EIF4EBP1: variants seen among roughly 807,000 people sequenced by gnomAD.
EIF4EBP1 encodes eukaryotic translation initiation factor 4E binding protein 1.
A neutral mutation model predicts 9.2 loss-of-function variants in EIF4EBP1; 5 were observed. The ratio of observed to expected loss-of-function variants is 0.54; its 90% confidence interval spans 0.28 to 1.14. The LOEUF (loss-of-function observed/expected upper bound fraction) is 1.14, where lower values mean the gene tolerates loss of function less well. Ranked by LOEUF, EIF4EBP1 falls within the 50% of genes most tolerant of loss-of-function variation. EIF4EBP1 has a pLI of 0.09. For synonymous variants in EIF4EBP1, 62 were observed against 67.0 expected (o/e 0.93, Z 0.36); for missense variants, 139 against 169.6 (o/e 0.82, Z 1.00).
chr8:38,038,172 T>C (rs1308222881), intron 1 of EIF4EBP1, among the ~76,000 whole-genome samples: 1 of 152,014 alleles, frequency 6.6e-6, no homozygotes, highest in African/African-American at 2.4e-5. Context: ...GGTATGAAAG[T>C]GATATGTGTT....
At chr8:38,054,534 A>T (rs865926607) in intron 1 of EIF4EBP1, among the ~76,000 whole-genome samples, 2 of 152,100 alleles carry the variant, frequency 1.3e-5, no homozygotes, top group South Asian at 4.1e-4. Flanking sequence ...GAAACAACAG[A>T]AAAAAAGTGG....
At chr8:38,053,726 G>A (rs1172089215) in intron 1 of EIF4EBP1, among the ~76,000 whole-genome samples, 1 of 152,190 alleles carries the variant, frequency 6.6e-6, no homozygotes, top group Non-Finnish European at 1.5e-5. Context: ...GCCTTCAGCA[G>A]GAAGGAAATC....
rs181011834 is a variant in EIF4EBP1, at chr8:38,036,370, G to A, written c.145+5652G>A. ...ATAAAAATACAAAAAAAAATTAGCC[G>A]GGCCTGGTGGCAGGCGCCTGTAATC... On this transcript the variant is annotated intron_variant, in intron 1 of 2. Transcript: ENST00000338825. Among the ~76,000 whole-genome samples the A allele has an allele frequency of 1.0e-3, 158 of 152,020 alleles. 1 individual carries two copies. The highest frequency in any genetic ancestry group is 3.4e-3 in the African/African-American group (141 of 41,486).
chr8:38,033,107 C>G lies in EIF4EBP1; in HGVS notation c.145+2389C>G, dbSNP rs111728582. Among the ~76,000 whole-genome samples the G allele has an allele frequency of 3.8e-3, 570 of 149,048 alleles. 5 individuals carry two copies. The highest frequency in any genetic ancestry group is 0.013 in the African/African-American group (530 of 40,332). The stretch of plus-strand genomic sequence containing the variant: ...TGAGACAGGGTCTCACTCTATCACC[C>G]AGGCTGGAGTGCAGTGGCGCAATCT... On this transcript the variant is annotated intron_variant, in intron 1 of 2. Transcript: ENST00000338825.
intron 1 of EIF4EBP1, among the ~76,000 whole-genome samples, chr8:38,041,119 T>A (rs1809373168): frequency 6.6e-6 from 1 of 152,040 alleles, no homozygotes; most frequent in Non-Finnish European, 1.5e-5. Flanking sequence ...TGCTTGTTTG[T>A]TTGACAGAAT....
chr8:38,038,778 C>A (rs1053634465), intron 1 of EIF4EBP1, among the ~76,000 whole-genome samples: 10 of 152,020 alleles, frequency 6.6e-5, no homozygotes, highest in African/African-American at 2.4e-4. Context: ...CCCATTTAGC[C>A]CCACAAACAT....
chr8:38,030,782 G>C lies in EIF4EBP1; in HGVS notation c.145+64G>C, dbSNP rs911786746. 14 of 1,372,400 alleles carry C rather than the reference G, an allele frequency of 1.0e-5. No individual in the cohort carries two copies. In the African/African-American group the frequency reaches 2.1e-4, roughly 21 times the overall value. The allele number at this position is 1,372,400 out of a possible 1,614,324, so 85.0% of individuals were successfully genotyped here. A position where few individuals can be genotyped will look rare whatever the true frequency, so the allele number is the denominator to read the frequency against. On this transcript the variant is annotated intron_variant, in intron 1 of 2. Coordinates refer to ENST00000338825, the MANE Select transcript of EIF4EBP1 (RefSeq NM_004095.4). ...GGCGGGCGGGAGGATCGGGAATCGC[G>C]GATTGGACCGGGTGTCCAGGCTCAA...
At position 38,057,214 on chromosome 8, in the gene EIF4EBP1, CAG is replaced by C; in HGVS notation, c.280_281del (p.Ser94ProfsTer7). 6.2e-7 allele frequency: 1 copy of C among 1,614,146 alleles called. No homozygotes were observed. Among genetic ancestry groups the C allele is most frequent in the Non-Finnish European group, 8.5e-7 (1 of 1,179,976 alleles). On this transcript the variant is annotated frameshift_variant, in exon 2 of 3. Coordinates refer to ENST00000338825, the MANE Select transcript of EIF4EBP1 (RefSeq NM_004095.4). LOFTEE classifies it high-confidence loss of function. ...PSSDEPPMEA[S>X]QSHLRNSPED... ...CCAGTGATGAGCCCCCCATGGAAGCCAGCCAGAGCCACCTGCGCAATAGCCCA... is the reference window on the plus strand; with the variant it reads ...CCAGTGATGAGCCCCCCATGGAAGCCCCAGAGCCACCTGCGCAATAGCCCA...
intron 2 of EIF4EBP1, 136 bp downstream of exon 2, chr8:38,057,396 G>T: frequency 1.8e-6 from 2 of 1,100,124 alleles, no homozygotes; most frequent in African/African-American, 1.6e-5. Context: ...GCAGCTCAGA[G>T]CCCAGAGGGT....
intron 1 of EIF4EBP1, among the ~76,000 whole-genome samples, chr8:38,046,747 T>C (rs1373208420): frequency 6.6e-6 from 1 of 152,220 alleles, no homozygotes; most frequent in Non-Finnish European, 1.5e-5. Context: ...ACAAAGATTT[T>C]AAGTCATAAC....
intron 1 of EIF4EBP1, among the ~76,000 whole-genome samples, chr8:38,037,156 G>A (rs567524825): frequency 1.4e-4 from 22 of 152,142 alleles, no homozygotes; most frequent in Middle Eastern, 3.4e-3. Context: ...TTTTGTTTAC[G>A]TGTTTGTTCC....
chr8:38,052,282 A>G (rs994839649), intron 1 of EIF4EBP1, among the ~76,000 whole-genome samples: 9 of 150,144 alleles, frequency 6.0e-5, no homozygotes, highest in Non-Finnish European at 1.3e-4. Flanking sequence ...TTTTTTTTAG[A>G]CAGGGTCTCG....
Position 38,042,332 on chromosome 8 carries a change from T to C in EIF4EBP1, c.145+11614T>C, listed in dbSNP as rs142941225. 6.8e-3 allele frequency among the ~76,000 whole-genome samples: 1,037 copies of C among 152,228 alleles called. 4 individuals are homozygous for C. Among genetic ancestry groups the C allele is most frequent in the Non-Finnish European group, 0.011 (770 of 67,992 alleles). On this transcript the variant is annotated intron_variant, in intron 1 of 2. Transcript: ENST00000338825. ...CTCCCTTTGGTTTGGAAGTGGACAGTGTGGAGGTCTCTTGCCTTAAGGAGC... is the reference window on the plus strand; with the variant it reads ...CTCCCTTTGGTTTGGAAGTGGACAGCGTGGAGGTCTCTTGCCTTAAGGAGC...
At chr8:38,036,112 TCTC>T (rs1164777766) in intron 1 of EIF4EBP1, among the ~76,000 whole-genome samples, 2 of 152,000 alleles carry the variant, frequency 1.3e-5, no homozygotes, top group Admixed American at 6.6e-5. Flanking sequence ...TTCAAGCAAT[TCTC>T]CTGCCTCGGC....
chr8:38,058,472 T>C (rs1425894375), intron 2 of EIF4EBP1, among the ~76,000 whole-genome samples: 1 of 152,116 alleles, frequency 6.6e-6, no homozygotes, highest in Non-Finnish European at 1.5e-5. Context: ...CCCAATTACC[T>C]CTTAACGGCC....
At chr8:38,041,741 A>G (rs1809383425) in intron 1 of EIF4EBP1, among the ~76,000 whole-genome samples, 1 of 152,232 alleles carries the variant, frequency 6.6e-6, no homozygotes, top group African/African-American at 2.4e-5. Context: ...CTGTAATCCC[A>G]GCACTGTGGG....
intron 1 of EIF4EBP1, among the ~76,000 whole-genome samples, chr8:38,042,563 C>T (rs542829308): frequency 6.6e-6 from 1 of 152,286 alleles, no homozygotes; most frequent in East Asian, 1.9e-4. Flanking sequence ...AGGCCCTTCT[C>T]CTTGGCTTGC....
In EIF4EBP1 at chr8:38,039,170, G is replaced by T. The variant is rs185701628; in HGVS notation, c.145+8452G>T. On this transcript the variant is annotated intron_variant, in intron 1 of 2. Coordinates refer to ENST00000338825, the MANE Select transcript of EIF4EBP1 (RefSeq NM_004095.4). ...TCCTCCCAAAGTGTTGGGATTACAG[G>T]CGTGAGCCACCACACCCAGCCAGTG... Among the ~76,000 whole-genome samples the T allele has an allele frequency of 1.6e-3, 247 of 152,124 alleles. 1 individual carries two copies. Among genetic ancestry groups the T allele is most frequent in the African/African-American group, 4.9e-3 (205 of 41,520 alleles).
intron 1 of EIF4EBP1, among the ~76,000 whole-genome samples, chr8:38,032,241 C>T (rs1366827713): frequency 6.6e-6 from 1 of 152,202 alleles, no homozygotes; most frequent in Non-Finnish European, 1.5e-5. Context: ...GCCCGGGTAC[C>T]AAGGTTCACA....
Sources: gnomAD v4.1 joint callset for allele counts (sites outside exome capture counted in the v4.1 genomes callset) on GRCh38, gnomAD v4.1.1 for gene constraint, MANE v1.5 for transcripts, NCBI Gene and HGNC (gene_info 2026-07-23, HGNC 2026-07-21) for gene names.